GPATCH8: variants seen among roughly 807,000 people sequenced by gnomAD.
GPATCH8 encodes the protein G patch domain-containing protein 8.
Under a neutral mutation model 118.3 loss-of-function variants are expected in GPATCH8, and 18 were observed. That is an observed-to-expected ratio of 0.15 (90% confidence interval 0.11 to 0.23). The LOEUF (loss-of-function observed/expected upper bound fraction) is 0.23, where lower values mean the gene tolerates loss of function less well. Among genes scored for constraint, GPATCH8 ranks in the 10% least tolerant of loss-of-function variants. The pLI is 1.00. For synonymous variants in GPATCH8, 659 were observed against 684.7 expected, an observed-to-expected ratio of 0.96 and a Z score of 0.59; for missense variants, 1,631 against 1,873.8, an observed-to-expected ratio of 0.87 and a Z score of 2.39.
At chr17:44,455,670 A>C (rs1479154087) in intron 3 of GPATCH8, among the ~76,000 whole-genome samples, 1 of 152,216 alleles carries the variant, frequency 6.6e-6, no homozygotes, top group Non-Finnish European at 1.5e-5. Context: ...GGAAAGTAAG[A>C]TAGAAAGACA....
intron 1 of GPATCH8, among the ~76,000 whole-genome samples, chr17:44,481,547 G>A (rs959415104): frequency 6.6e-6 from 1 of 152,154 alleles, no homozygotes; most frequent in Admixed American, 6.5e-5. Context: ...ATTGTCAGAA[G>A]CTATACACTG....
At chr17:44,470,147 T>C (rs1251246351) in intron 2 of GPATCH8, among the ~76,000 whole-genome samples, 1 of 152,230 alleles carries the variant, frequency 6.6e-6, no homozygotes, top group Non-Finnish European at 1.5e-5. Context: ...TAACAACATG[T>C]TTTAAGTCTA....
At chr17:44,406,951 C>A (rs8076720) in intron 6 of GPATCH8, among the ~76,000 whole-genome samples, 75,898 of 151,962 alleles carry the variant, frequency 0.5, 20,649 homozygotes, top group Middle Eastern at 0.62. Context: ...AAATTATTTT[C>A]AAGACATTAG....
intron 7 of GPATCH8, among the ~76,000 whole-genome samples, chr17:44,402,712 C>G (rs903405200): frequency 1.3e-5 from 2 of 152,162 alleles, no homozygotes; most frequent in African/African-American, 4.8e-5. Context: ...TTCCACTGTG[C>G]TACTTATGGC....
chr17:44,427,594 G>T (rs1032867586), intron 5 of GPATCH8, among the ~76,000 whole-genome samples: 3 of 152,028 alleles, frequency 2.0e-5, no homozygotes, highest in South Asian at 2.1e-4. Flanking sequence ...AACTGGGTGG[G>T]CAGGCAGAAG....
chr17:44,470,767 C>G (rs559341598), intron 2 of GPATCH8, among the ~76,000 whole-genome samples: 1 of 152,306 alleles, frequency 6.6e-6, no homozygotes, highest in Admixed American at 6.5e-5. Flanking sequence ...CTCAGCATCC[C>G]AAAGTGCTGG....
chr17:44,456,895 G>A (rs914174090), intron 3 of GPATCH8, among the ~76,000 whole-genome samples: 2 of 151,344 alleles, frequency 1.3e-5, no homozygotes, highest in Non-Finnish European at 2.9e-5. Context: ...ACACAGTCTC[G>A]CTCTGTTGCC....
intron 3 of GPATCH8, among the ~76,000 whole-genome samples, chr17:44,454,588 CTTTATA>C (rs1253340476): frequency 1.3e-5 from 2 of 152,278 alleles, no homozygotes; most frequent in South Asian, 4.1e-4. Context: ...TCCCTTTCAT[CTTTATA>C]TTTATTTTAA....
At chr17:44,479,981 T>C (rs1442389634) in intron 1 of GPATCH8, among the ~76,000 whole-genome samples, 2 of 149,596 alleles carry the variant, frequency 1.3e-5, no homozygotes, top group Non-Finnish European at 3.0e-5. Flanking sequence ...AAAAAAAAAA[T>C]TGATAGGCTG....
At chr17:44,470,890 A>T (rs1967227010) in intron 2 of GPATCH8, among the ~76,000 whole-genome samples, 1 of 152,222 alleles carries the variant, frequency 6.6e-6, no homozygotes. Context: ...ATTGAATCCT[A>T]GACGGAGCTA....
At chr17:44,490,992 C>T (rs1209544155) in intron 1 of GPATCH8, among the ~76,000 whole-genome samples, 3 of 152,262 alleles carry the variant, frequency 2.0e-5, no homozygotes, top group African/African-American at 4.8e-5. Context: ...CTGATTCTGA[C>T]GTCTACATAA....
chr17:44,423,767 C>T (rs188982409), intron 6 of GPATCH8, among the ~76,000 whole-genome samples: 9 of 151,856 alleles, frequency 5.9e-5, no homozygotes, highest in Non-Finnish European at 8.8e-5. Context: ...GGGGTGGCGG[C>T]GGGGGAGGGG....
chr17:44,419,794 G>A (rs1001369121), intron 6 of GPATCH8, among the ~76,000 whole-genome samples: 3 of 152,064 alleles, frequency 2.0e-5, no homozygotes, highest in African/African-American at 7.2e-5. Context: ...CTCAGTAGCT[G>A]GGATTATAGG....
At position 44,399,477 on chromosome 17, in the gene GPATCH8, C is replaced by T. The variant is rs931036549; in HGVS notation, c.2600G>A (p.Arg867Gln). 27 of 1,614,046 alleles carry T rather than the reference C, an allele frequency of 1.7e-5. No individual in the cohort carries two copies. The highest frequency in any genetic ancestry group is 2.2e-5 in the South Asian group (2 of 91,084). Reference protein sequence around the residue: ...GRRHSSHRSSRRSYSSSSDAS... With the variant: ...GRRHSSHRSSQRSYSSSSDAS... ...ATCTGAGCTACTTGAGTAAGAACGCCGGGAGGAACGATGCGAGGAATGGCG... is the reference window on the plus strand; with the variant it reads ...ATCTGAGCTACTTGAGTAAGAACGCTGGGAGGAACGATGCGAGGAATGGCG... The change falls in exon 8 of 8, where the codon CGG (arginine) becomes CAG (glutamine). Residue 867 changes from arginine to glutamine, a missense_variant. By Grantham distance (43) the Arg-to-Gln change is conservative. Transcript: ENST00000591680.
chr17:44,483,759 G>T (rs1283903700), intron 1 of GPATCH8, among the ~76,000 whole-genome samples: 1 of 151,508 alleles, frequency 6.6e-6, no homozygotes, highest in Non-Finnish European at 1.5e-5. Flanking sequence ...CTTGTGCCTC[G>T]GCCTCCCAAG....
intron 1 of GPATCH8, among the ~76,000 whole-genome samples, chr17:44,497,983 A>G (rs759142709): frequency 5.9e-5 from 9 of 152,204 alleles, no homozygotes; most frequent in Non-Finnish European, 1.2e-4. Flanking sequence ...CTGTCCTTTT[A>G]AAAATTTTTA....
chr17:44,444,245 A>G (rs2050795886), intron 3 of GPATCH8, among the ~76,000 whole-genome samples: 1 of 59,450 alleles, frequency 1.7e-5, no homozygotes, highest in South Asian at 7.9e-4. Context: ...TTCATGAGTT[A>G]CTTTCAATTA....
At chr17:44,475,176 C>T (rs1035863544) in intron 1 of GPATCH8, among the ~76,000 whole-genome samples, 2 of 146,756 alleles carry the variant, frequency 1.4e-5, no homozygotes, top group Admixed American at 6.8e-5. Context: ...GTCAGGAATT[C>T]GAGACCAGCC....
Position 44,424,497 on chromosome 17 carries a change from A to G in GPATCH8, c.349-5T>C, listed in dbSNP as rs1280391649. ...CTTCTCTTTGTCAACATAATCCTTC[A>G]AGACCCATGAAATACAAAGAAACAA... On this transcript the variant is annotated splice_region_variant and splice_polypyrimidine_tract_variant and intron_variant, in intron 5 of 7. Coordinates refer to ENST00000591680, the MANE Select transcript of GPATCH8 (RefSeq NM_001002909.4). 1 of 1,602,062 alleles carries G rather than the reference A, an allele frequency of 6.2e-7. No homozygotes were observed. Among genetic ancestry groups the G allele is most frequent in the Non-Finnish European group, 8.6e-7 (1 of 1,169,486 alleles).
Sources: allele counts gnomAD v4.1 joint callset (sites outside exome capture counted in the v4.1 genomes callset), GRCh38; gene constraint gnomAD v4.1.1; transcripts MANE v1.5; gene names NCBI Gene and HGNC (gene_info 2026-07-23, HGNC 2026-07-21).